The following GALNTL6 variants were observed in gnomAD, a reference collection of about 807,000 sequenced individuals.
GALNTL6 encodes polypeptide N-acetylgalactosaminyltransferase-like 6.
GALNTL6 carries 46 observed loss-of-function variants against 73.7 expected under a neutral mutation model. That is an observed-to-expected ratio of 0.62 (90% CI 0.49 to 0.80). The LOEUF (loss-of-function observed/expected upper bound fraction) is 0.80. GALNTL6 is among the 30% of genes least tolerant of loss of function. The probability of loss-of-function intolerance (pLI) is 0.00; values close to 1 mark genes in which losing one functional copy is unlikely to be tolerated. For missense variants in GALNTL6, 604 were observed against 755.0 expected (o/e 0.80, Z 2.34); for synonymous variants, 259 against 263.7 (o/e 0.98, Z 0.17).
chr4:171,907,146 G>T (rs1013180123), intron 2 of GALNTL6, among the ~76,000 whole-genome samples: 2 of 152,070 alleles, frequency 1.3e-5, no homozygotes, highest in South Asian at 2.1e-4. Flanking sequence ...TCTGGCCAGG[G>T]CAATTAGGCA....
rs964828631 is a variant in GALNTL6, at chr4:172,830,722, C to T, written c.923+16999C>T. The stretch of plus-strand genomic sequence containing the variant: ...CTTTCTGGTCTCTCCTCTAACTGAA[C>T]TCCCATGAAGGGAGTGCACTGTCAC... On this transcript the variant is annotated intron_variant, in intron 7 of 12. Coordinates refer to ENST00000506823, the MANE Select transcript of GALNTL6 (RefSeq NM_001034845.3). 2.6e-5 allele frequency among the ~76,000 whole-genome samples: 4 copies of T among 152,170 alleles called. No homozygotes were observed. The South Asian group carries it at 8.3e-4, about 31-fold the overall frequency.
intron 4 of GALNTL6, among the ~76,000 whole-genome samples, chr4:172,323,336 G>A (rs967080510): frequency 6.6e-6 from 1 of 152,222 alleles, no homozygotes; most frequent in East Asian, 1.9e-4. Context: ...AAAGGTAACT[G>A]ACATGGGCAA....
chr4:172,526,496 T>C (rs758921216), intron 5 of GALNTL6, among the ~76,000 whole-genome samples: 1 of 152,216 alleles, frequency 6.6e-6, no homozygotes, highest in Non-Finnish European at 1.5e-5. Flanking sequence ...TTCAATATTA[T>C]GACTTGTTTA....
chr4:172,449,237 C>T (rs1732128599), intron 5 of GALNTL6, among the ~76,000 whole-genome samples: 1 of 152,154 alleles, frequency 6.6e-6, no homozygotes, highest in African/African-American at 2.4e-5. Flanking sequence ...GTACCTCTTA[C>T]CTTCCTACCA....
chr4:172,971,087 A>T (rs1222648737), intron 10 of GALNTL6, among the ~76,000 whole-genome samples: 2 of 152,156 alleles, frequency 1.3e-5, no homozygotes, highest in African/African-American at 2.4e-5. Flanking sequence ...CAACAATCAC[A>T]GGAGTGGGTT....
At chr4:172,780,616 G>A (rs1475902421) in intron 5 of GALNTL6, among the ~76,000 whole-genome samples, 2 of 152,086 alleles carry the variant, frequency 1.3e-5, no homozygotes, top group South Asian at 2.1e-4. Context: ...TTTCCTGGCC[G>A]CTTAGACTTT....
intron 5 of GALNTL6, among the ~76,000 whole-genome samples, chr4:172,514,202 T>G (rs1734523890): frequency 6.6e-6 from 1 of 152,096 alleles, no homozygotes; most frequent in Non-Finnish European, 1.5e-5. Context: ...ACTATCAGGG[T>G]GGGTACTGAA....
At chr4:172,040,256 A>T (rs1426522989) in intron 2 of GALNTL6, among the ~76,000 whole-genome samples, 3 of 152,106 alleles carry the variant, frequency 2.0e-5, no homozygotes, top group Admixed American at 6.6e-5. Flanking sequence ...ATACTTACAA[A>T]ATAAATTTTA....
intron 5 of GALNTL6, among the ~76,000 whole-genome samples, chr4:172,643,131 A>G (rs1202250500): frequency 6.6e-6 from 1 of 151,908 alleles, no homozygotes; most frequent in Non-Finnish European, 1.5e-5. Flanking sequence ...CTGCTAATGC[A>G]TTATACATTC....
rs7696307 is a variant in GALNTL6 at position 172,724,339 on chromosome 4, A to G, written c.554-85022A>G. 7.7e-3 allele frequency among the ~76,000 whole-genome samples: 1,176 copies of G among 152,328 alleles called. 16 individuals carry two copies. The highest frequency in any genetic ancestry group is 0.027 in the African/African-American group (1,136 of 41,574). On this transcript the variant is annotated intron_variant, in intron 5 of 12. Transcript: ENST00000506823. ...ACCTAAGCAACACAAAATCCATCCTATAGTAGCTTAAACAAGATACGCTTT... is the reference window on the plus strand; with the variant it reads ...ACCTAAGCAACACAAAATCCATCCTGTAGTAGCTTAAACAAGATACGCTTT...
intron 2 of GALNTL6, among the ~76,000 whole-genome samples, chr4:171,929,627 C>A (rs1738112174): frequency 6.6e-6 from 1 of 152,226 alleles, no homozygotes; most frequent in South Asian, 2.1e-4. Flanking sequence ...TACGTGCTCG[C>A]TCCTGGCTTG....
chr4:172,412,585 G>T (rs1244668672), intron 5 of GALNTL6, among the ~76,000 whole-genome samples: 2 of 152,076 alleles, frequency 1.3e-5, no homozygotes, highest in Non-Finnish European at 2.9e-5. Flanking sequence ...TTAGAGTTTA[G>T]TTTTGAAATA....
chr4:172,300,697 C>T (rs2111120610), intron 3 of GALNTL6, among the ~76,000 whole-genome samples: 1 of 152,104 alleles, frequency 6.6e-6, no homozygotes, highest in African/African-American at 2.4e-5. Flanking sequence ...GAATATTGGC[C>T]CCCACTCTCT....
At chr4:172,854,176 G>A (rs906594152) in intron 7 of GALNTL6, among the ~76,000 whole-genome samples, 1 of 152,032 alleles carries the variant, frequency 6.6e-6, no homozygotes, top group African/African-American at 2.4e-5. Flanking sequence ...TTCAAGCCAA[G>A]AGGAAGACTC....
intron 5 of GALNTL6, among the ~76,000 whole-genome samples, chr4:172,694,510 G>GTA (rs1733560966): frequency 6.6e-6 from 1 of 152,168 alleles, no homozygotes; most frequent in Non-Finnish European, 1.5e-5. Context: ...ATTCCGTGGT[G>GTA]TATATATGCC....
chr4:172,373,119 G>T (rs1742884401), intron 5 of GALNTL6, among the ~76,000 whole-genome samples: 1 of 152,244 alleles, frequency 6.6e-6, no homozygotes, highest in Non-Finnish European at 1.5e-5. Context: ...GACTTGAGAA[G>T]TGGCCTAGAT....
intron 2 of GALNTL6, among the ~76,000 whole-genome samples, chr4:171,818,587 A>C (rs865921331): frequency 6.6e-6 from 1 of 151,414 alleles, no homozygotes; most frequent in Non-Finnish European, 1.5e-5. Flanking sequence ...AAAAAAAAAA[A>C]AAAGCCTAGG....
chr4:172,406,970 A>AG (rs1744261672), intron 5 of GALNTL6, among the ~76,000 whole-genome samples: 1 of 151,980 alleles, frequency 6.6e-6, no homozygotes, highest in Non-Finnish European at 1.5e-5. Flanking sequence ...ATGATTACAG[A>AG]AATCATCTGA....
At chr4:172,542,571 G>C (rs987354882) in intron 5 of GALNTL6, among the ~76,000 whole-genome samples, 3 of 152,128 alleles carry the variant, frequency 2.0e-5, no homozygotes, top group African/African-American at 4.8e-5. Flanking sequence ...CATTCCTGGT[G>C]GGGGAGGGGA....
Sources: gnomAD v4.1 joint callset for allele counts (sites outside exome capture counted in the v4.1 genomes callset) on GRCh38, gnomAD v4.1.1 for gene constraint, MANE v1.5 for transcripts, NCBI Gene and HGNC (gene_info 2026-07-23, HGNC 2026-07-21) for gene names.